Variants in KAT6A observed in about 807,000 individuals in gnomAD.
The protein encoded by KAT6A is histone acetyltransferase KAT6A.
Under a neutral mutation model 198.4 loss-of-function variants are expected in KAT6A, and 9 were observed. The observed-to-expected ratio is 0.05, with a 90% CI of 0.03 to 0.08. The LOEUF (loss-of-function observed/expected upper bound fraction) is 0.08. Among genes scored for constraint, KAT6A ranks in the 10% least tolerant of loss-of-function variants. The pLI is 1.00. For missense variants in KAT6A, 2,077 were observed against 2,509.9 expected (o/e 0.83, Z 3.69); for synonymous variants, 890 against 883.0 (o/e 1.01, Z -0.14).
At chr8:41,955,507 C>T (rs771018657) in intron 8 of KAT6A, 96 bp from the exon 9 acceptor site, 3 of 733,064 alleles carry the variant, frequency 4.1e-6, no homozygotes, top group Non-Finnish European at 6.9e-6. Flanking sequence ...TCTCAGGACT[C>T]CAAAGGAGTA....
At chr8:41,938,516 T>C (rs893755318) in intron 15 of KAT6A, among the ~76,000 whole-genome samples, 4 of 152,202 alleles carry the variant, frequency 2.6e-5, no homozygotes, top group East Asian at 3.8e-4. Flanking sequence ...AAAATGGCCC[T>C]GGTCCTTGGA....
intron 16 of KAT6A, among the ~76,000 whole-genome samples, chr8:41,935,728 T>A (rs1035152586): frequency 1.3e-5 from 2 of 152,134 alleles, no homozygotes; most frequent in Non-Finnish European, 2.9e-5. Flanking sequence ...AAGGCACAGT[T>A]AGTAGTAGTA....
At chr8:41,942,720 C>T (rs1822199268) in intron 14 of KAT6A, 73 bp downstream of exon 14, 1 of 1,463,248 alleles carries the variant, frequency 6.8e-7, no homozygotes, top group Admixed American at 1.9e-5. Context: ...GATCATAATA[C>T]ATTATTATAA....
Position 41,934,196 on chromosome 8 carries a change from T to C in KAT6A, c.4024A>G (p.Lys1342Glu), listed in dbSNP as rs1185776962. 6.2e-7 allele frequency: 1 copy of C among 1,614,158 alleles called. No homozygotes were observed. Among genetic ancestry groups the C allele is most frequent in the Admixed American group, 1.7e-5 (1 of 60,016 alleles). Reference protein sequence around the residue: ...LEEQPTREDVKEEPGVQESFL... With the variant: ...LEEQPTREDVEEEPGVQESFL... The stretch of plus-strand genomic sequence containing the variant: ...GACTCTTGAACACCAGGCTCCTCCT[T>C]GACATCTTCCCTCGTGGGCTGTTCC... Residue 1342 changes from lysine (K) to glutamate (E), a missense_variant, in exon 17 of 17, where the codon AAG (lysine) becomes GAG (glutamate). Physicochemically the swap from Lys to Glu is moderately conservative, Grantham distance 56. Coordinates refer to ENST00000265713, the MANE Select transcript of KAT6A (RefSeq NM_006766.5).
intron 8 of KAT6A, among the ~76,000 whole-genome samples, chr8:41,968,152 C>T (rs1346074544): frequency 6.6e-6 from 1 of 152,176 alleles, no homozygotes; most frequent in Non-Finnish European, 1.5e-5. Flanking sequence ...AGAGCTTCTG[C>T]ACAGCAAAAG....
intron 8 of KAT6A, among the ~76,000 whole-genome samples, chr8:41,960,263 G>A (rs1823138578): frequency 6.6e-6 from 1 of 152,024 alleles, no homozygotes; most frequent in African/African-American, 2.4e-5. Context: ...TGTCTTTAAT[G>A]CCACTGAATT....
rs3739365 is a variant in KAT6A, at chr8:41,933,765, G to A, written c.4455C>T (p.Ser1485=). 150,359 of 1,613,926 alleles carry A rather than the reference G, an allele frequency of 0.093. 9,115 individuals carry two copies. The highest frequency in any genetic ancestry group is 0.26 in the East Asian group (11,845 of 44,842). The part of the protein sequence containing the change: ...HASEHNSPIS[S]VQSHPSQSVR... ...CTGACTGGCTGGGGTGAGACTGAAC[G>A]GAGGAGATAGGGCTATTATGTTCTG... The change falls in exon 17 of 17, where the codon TCC becomes TCT. Residue 1485 remains serine, a synonymous_variant. Transcript: ENST00000265713. The surrounding 1 kb of genome is among the most constrained non-coding windows in gnomAD (Gnocchi z 6.2).
At chr8:42,027,044 T>C (rs1220675319) in intron 2 of KAT6A, among the ~76,000 whole-genome samples, 2 of 152,260 alleles carry the variant, frequency 1.3e-5, no homozygotes, top group East Asian at 1.9e-4. Flanking sequence ...GTCCACTCTA[T>C]TGATGCAATG....
At chr8:42,016,897 G>C (rs1826297149) in intron 2 of KAT6A, among the ~76,000 whole-genome samples, 1 of 151,542 alleles carries the variant, frequency 6.6e-6, no homozygotes, top group African/African-American at 2.4e-5. Context: ...GGATCTCTGA[G>C]GGATGCAAAA....
At chr8:41,981,153 AC>A (rs1333333036) in intron 4 of KAT6A, among the ~76,000 whole-genome samples, 1 of 152,158 alleles carries the variant, frequency 6.6e-6, no homozygotes, top group East Asian at 1.9e-4. Flanking sequence ...CCCTGTCCCT[AC>A]TAAAAATACA....
At chr8:41,997,277 C>T (rs905617732) in intron 2 of KAT6A, among the ~76,000 whole-genome samples, 8 of 151,988 alleles carry the variant, frequency 5.3e-5, no homozygotes, top group Admixed American at 1.3e-4. Context: ...GGTCAAAACC[C>T]ATGCAATGAA....
chr8:41,996,335 C>G (rs961446289), intron 2 of KAT6A, among the ~76,000 whole-genome samples: 1 of 152,176 alleles, frequency 6.6e-6, no homozygotes, highest in African/African-American at 2.4e-5. Flanking sequence ...TTTACAGCCA[C>G]TGGAAATTAC....
intron 2 of KAT6A, among the ~76,000 whole-genome samples, chr8:41,988,484 A>T (rs1432043440): frequency 6.6e-6 from 1 of 152,246 alleles, no homozygotes; most frequent in Admixed American, 6.5e-5. Context: ...AAGTTTACAG[A>T]ACCAGGAGAT....
At chr8:41,957,209 C>A in intron 8 of KAT6A, 1 of 582,288 alleles carries the variant, frequency 1.7e-6, no homozygotes, top group Non-Finnish European at 3.5e-6. Flanking sequence ...GTGGTAGGTT[C>A]CCCTCTGCCC....
intron 2 of KAT6A, among the ~76,000 whole-genome samples, chr8:42,019,276 C>T (rs1319304346): frequency 3.9e-5 from 6 of 152,062 alleles, no homozygotes; most frequent in African/African-American, 1.2e-4. Context: ...TATACAACTC[C>T]AAGAAAATTT....
chr8:41,984,412 G>A (rs887581407), intron 3 of KAT6A, among the ~76,000 whole-genome samples: 9 of 152,206 alleles, frequency 5.9e-5, no homozygotes, highest in Admixed American at 4.6e-4. Context: ...GCTTCTTGTC[G>A]ACAAGCCCGT....
At position 41,955,375 on chromosome 8, in the gene KAT6A, G is replaced by A. The variant is rs141773007; in HGVS notation, c.1519C>T (p.Arg507Cys). ...CCAAACTCAATGACAGAGGGACAGCGGACTTGTGGATCAGGGGGACCAGTC... is the reference window on the plus strand; with the variant it reads ...CCAAACTCAATGACAGAGGGACAGCAGACTTGTGGATCAGGGGGACCAGTC... ...GVTGPPDPQVRCPSVIEFGKY... is the reference protein window; with the variant it reads ...GVTGPPDPQVCCPSVIEFGKY... Residue 507 changes from arginine to cysteine, a missense_variant, in exon 9 of 17, where the codon CGC becomes TGC. Transcript: ENST00000265713. 27 of 1,612,672 alleles carry A rather than the reference G, an allele frequency of 1.7e-5. No individual in the cohort carries two copies. The highest frequency in any genetic ancestry group is 3.3e-5 in the Admixed American group (2 of 59,866).
At chr8:41,964,188 T>C (rs1260698068) in intron 8 of KAT6A, among the ~76,000 whole-genome samples, 1 of 152,166 alleles carries the variant, frequency 6.6e-6, no homozygotes, top group Non-Finnish European at 1.5e-5. Context: ...AACTTAACAA[T>C]TTATAACTCT....
intron 2 of KAT6A, among the ~76,000 whole-genome samples, chr8:42,030,987 T>A (rs1827081581): frequency 9.1e-6 from 1 of 109,652 alleles, no homozygotes; most frequent in Non-Finnish European, 1.7e-5. Flanking sequence ...AAAAAAAAAG[T>A]AAGATGCAAA....
Sources: gnomAD v4.1 joint callset for allele counts (sites outside exome capture counted in the v4.1 genomes callset) on GRCh38, gnomAD v4.1.1 for gene constraint, Gnocchi (gnomAD v3.1) non-coding constraint, MANE v1.5 for transcripts, NCBI Gene and HGNC (gene_info 2026-07-23, HGNC 2026-07-21) for gene names.